Variants in AFF2 observed in about 807,000 individuals in gnomAD.
AFF2 encodes AF4/FMR2 family member 2.
Under a neutral mutation model 76.9 loss-of-function variants are expected in AFF2, and 14 were observed. The observed-to-expected ratio is 0.18, with a 90% confidence interval of 0.12 to 0.28. AFF2 has a LOEUF of 0.28. AFF2 is among the 10% of genes least tolerant of loss of function. The pLI, the probability that AFF2 is intolerant of heterozygous loss-of-function variation, is 1.00. For missense variants in AFF2, 868 were observed against 1,001.1 expected (o/e 0.87, Z 1.79); for synonymous variants, 398 against 366.7 (o/e 1.09, Z -0.98).
At chrX:148,755,779 G>A (rs782794444) in intron 3 of AFF2, among the ~76,000 whole-genome samples, 2 of 110,588 alleles carry the variant, frequency 1.8e-5, no homozygotes, top group South Asian at 7.6e-4. Context: ...TGTTTACTGA[G>A]CCATCATATG....
intron 1 of AFF2, chrX:148,547,059 A>C: frequency 8.9e-6 from 1 of 112,231 alleles, no homozygotes; most frequent in Middle Eastern, 4.6e-3. Flanking sequence ...CAAACACCGT[A>C]AAAAGTAGAC....
At chrX:148,901,833 C>A (rs1396749400) in intron 8 of AFF2, among the ~76,000 whole-genome samples, 1 of 111,729 alleles carries the variant, frequency 9.0e-6, no homozygotes, top group Non-Finnish European at 1.9e-5. Context: ...AGGTTCTCTG[C>A]CATCATTTAC....
chrX:148,987,315 C>T, intron 19 of AFF2, 52 bp from the exon 20 acceptor site: 1 of 1,108,882 alleles, frequency 9.0e-7, no homozygotes, highest in African/African-American at 1.8e-5. Context: ...TAGAACCCCA[C>T]TGTCACTCTT....
At chrX:148,867,031 C>T in intron 7 of AFF2, among the ~76,000 whole-genome samples, 1 of 111,990 alleles carries the variant, frequency 8.9e-6, no homozygotes, top group Non-Finnish European at 1.9e-5. Context: ...ATGGCAGGTT[C>T]CTGAGAAGCA....
chrX:148,762,152 G>A (rs1404481369), intron 3 of AFF2, among the ~76,000 whole-genome samples: 2 of 109,951 alleles, frequency 1.8e-5, no homozygotes, highest in African/African-American at 6.7e-5. Flanking sequence ...CCATCACCGA[G>A]CAGTGTACAC....
In AFF2 at chrX:148,967,689, A is replaced by G; in HGVS notation, c.3264A>G (p.Ala1088=). 1 of 1,205,611 alleles carries G rather than the reference A, an allele frequency of 8.3e-7. No individual in the cohort carries two copies. The highest frequency in any genetic ancestry group is 1.1e-6 in the Non-Finnish European group (1 of 890,548). Residue 1088 remains alanine (A), a synonymous_variant, in exon 15 of 21, where the codon GCA becomes GCG. Transcript: ENST00000370460. ...EAKKLKHKAD[A]LFEKFGKAVN... ...AGAAGCTGAAGCACAAAGCTGATGC[A>G]CTGGTAAGTTTCCTTTTTCTCATTG...
At chrX:148,793,820 G>A (rs1053464911) in intron 3 of AFF2, among the ~76,000 whole-genome samples, 1 of 111,524 alleles carries the variant, frequency 9.0e-6, no homozygotes, top group Admixed American at 9.5e-5. Flanking sequence ...TGGGACAGAA[G>A]GTAGAAGGCT....
intron 1 of AFF2, among the ~76,000 whole-genome samples, chrX:148,579,865 A>G (rs1319319682): frequency 4.5e-5 from 5 of 111,592 alleles, no homozygotes; most frequent in African/African-American, 1.6e-4. Flanking sequence ...TTGAGGTGCT[A>G]TGAAGGACAT....
At position 148,771,659 on chromosome X, in the gene AFF2, T is replaced by G. The variant is rs189043913; in HGVS notation, c.1042-38217T>G. 3.6e-5 allele frequency among the ~76,000 whole-genome samples: 4 copies of G among 112,337 alleles called. No homozygotes were observed. In the East Asian group the frequency reaches 1.1e-3, roughly 32 times the overall value. ...TTTCTCCTCTCACACCAGGTGATCCTCAGTGAATCTGATTGTTGACTCATT... is the reference window on the plus strand; with the variant it reads ...TTTCTCCTCTCACACCAGGTGATCCGCAGTGAATCTGATTGTTGACTCATT... On this transcript the variant is annotated intron_variant, in intron 3 of 20. Transcript: ENST00000370460.
At chrX:148,504,357 A>C (rs2052385032) in intron 1 of AFF2, among the ~76,000 whole-genome samples, 1 of 112,090 alleles carries the variant, frequency 8.9e-6, no homozygotes, top group Non-Finnish European at 1.9e-5. Flanking sequence ...AAAAGAAAAG[A>C]AAAGAAAAGA....
chrX:148,841,239 T>C (rs1314543757), intron 5 of AFF2, among the ~76,000 whole-genome samples: 2 of 112,104 alleles, frequency 1.8e-5, no homozygotes, highest in African/African-American at 6.5e-5. Context: ...ATCCTGTACC[T>C]TTGTAATGAA....
At chrX:148,707,495 A>G (rs112765782) in intron 3 of AFF2, among the ~76,000 whole-genome samples, 4 of 109,269 alleles carry the variant, frequency 3.7e-5, no homozygotes, top group African/African-American at 1.3e-4. Context: ...TAATATATAT[A>G]TTTTTTTTCC....
chrX:148,894,892 G>T (rs11117556), intron 8 of AFF2, among the ~76,000 whole-genome samples: 7,298 of 109,522 alleles, frequency 0.067, 694 homozygotes, highest in African/African-American at 0.23. Flanking sequence ...ATGTGAGATA[G>T]ATAGATATAT....
intron 3 of AFF2, among the ~76,000 whole-genome samples, chrX:148,808,190 C>T (rs2070161388): frequency 9.0e-6 from 1 of 111,713 alleles, no homozygotes; most frequent in South Asian, 3.8e-4. Context: ...GGGATGGTCA[C>T]CTTTTTGTAC....
At chrX:148,514,103 A>T (rs1255069748) in intron 1 of AFF2, among the ~76,000 whole-genome samples, 1 of 112,021 alleles carries the variant, frequency 8.9e-6, no homozygotes, top group African/African-American at 3.2e-5. Flanking sequence ...ACTTTATAGA[A>T]ATGGTCCAGG....
At chrX:148,771,309 G>A (rs1335929310) in intron 3 of AFF2, among the ~76,000 whole-genome samples, 1 of 112,166 alleles carries the variant, frequency 8.9e-6, no homozygotes, top group Non-Finnish European at 1.9e-5. Context: ...CATAATTAAA[G>A]TGTATCTAGG....
At chrX:148,577,266 G>A (rs183011327) in intron 1 of AFF2, among the ~76,000 whole-genome samples, 5 of 105,803 alleles carry the variant, frequency 4.7e-5, no homozygotes, top group Non-Finnish European at 8.0e-5. Flanking sequence ...AATCAATATC[G>A]TCATTACCTT....
chrX:148,556,716 G>A (rs782568915), intron 1 of AFF2, among the ~76,000 whole-genome samples: 3 of 112,115 alleles, frequency 2.7e-5, no homozygotes, highest in South Asian at 3.7e-4. Context: ...TGGCCATAAA[G>A]TAAAACCTGG....
chrX:148,613,727 C>T (rs971241456), intron 1 of AFF2, among the ~76,000 whole-genome samples: 1 of 111,734 alleles, frequency 8.9e-6, no homozygotes, highest in East Asian at 2.8e-4. Flanking sequence ...CTCTCTCTCT[C>T]TCTTTGAAAT....
Sources: allele counts gnomAD v4.1 joint callset (sites outside exome capture counted in the v4.1 genomes callset), GRCh38; gene constraint gnomAD v4.1.1; transcripts MANE v1.5; gene names NCBI Gene and HGNC (gene_info 2026-07-23, HGNC 2026-07-21).